The following SYCP2 variants were observed in gnomAD, a reference collection of about 807,000 sequenced individuals.
SYCP2 encodes the protein synaptonemal complex lateral element protein.
SYCP2 carries 55 observed loss-of-function variants against 211.3 expected under a neutral mutation model. The ratio of observed to expected loss-of-function variants is 0.26; its 90% CI spans 0.21 to 0.33. The LOEUF (loss-of-function observed/expected upper bound fraction) is 0.33. Ranked by LOEUF, SYCP2 falls within the 10% of genes least tolerant of loss-of-function variation. The pLI is 1.00. For synonymous variants in SYCP2, 570 were observed against 555.2 expected, an observed-to-expected ratio of 1.03 and a Z score of -0.37; for missense variants, 1,731 against 1,752.0, an observed-to-expected ratio of 0.99 and a Z score of 0.21.
At chr20:59,870,667 G>A (rs1258297052) in intron 35 of SYCP2, among the ~76,000 whole-genome samples, 1 of 151,638 alleles carries the variant, frequency 6.6e-6, no homozygotes, top group Non-Finnish European at 1.5e-5. Context: ...ATCAGTAAAG[G>A]GCAAAGGAAT....
At position 59,869,815 on chromosome 20, in the gene SYCP2, T is replaced by C. The variant is rs760718890; in HGVS notation, c.3724A>G (p.Ile1242Val). 2 of 1,604,042 alleles carry C rather than the reference T, an allele frequency of 1.2e-6. No individual in the cohort carries two copies. The highest frequency in any genetic ancestry group is 2.2e-5 in the East Asian group (1 of 44,630). The change falls in exon 36 of 45, where the codon ATA becomes GTA. Residue 1242 changes from isoleucine to valine, a missense_variant. By Grantham distance (29) the Ile-to-Val change is conservative. Transcript: ENST00000357552. ...ACACTTACCTCTCTTTTGCTTTGTA[T>C]ATAATTTTCATTGATATGTGGAGAT... ...IESPHINENY[I>V]QSKREESHLA...
intron 28 of SYCP2, 116 bp from the exon 29 acceptor site, chr20:59,881,608 T>C: frequency 1.8e-6 from 1 of 549,960 alleles, no homozygotes; most frequent in Non-Finnish European, 3.1e-6. Flanking sequence ...GACATAAAAT[T>C]AACTTTACTA....
intron 33 of SYCP2, among the ~76,000 whole-genome samples, chr20:59,876,520 C>A (rs1386997190): frequency 6.7e-6 from 1 of 149,902 alleles, no homozygotes; most frequent in Non-Finnish European, 1.5e-5. Context: ...GTCAAATCAG[C>A]ACACTGTACT....
At chr20:59,908,349 A>G (rs954920709) in intron 14 of SYCP2, among the ~76,000 whole-genome samples, 12 of 152,058 alleles carry the variant, frequency 7.9e-5, no homozygotes, top group African/African-American at 2.4e-4. Context: ...AATCCTTACT[A>G]TTTTCACCAA....
In SYCP2 at chr20:59,868,463, A is replaced by T; in HGVS notation, c.3938T>A (p.Leu1313His). 2 of 1,611,464 alleles carry T rather than the reference A, an allele frequency of 1.2e-6. No individual in the cohort carries two copies. Among genetic ancestry groups the T allele is most frequent in the South Asian group, 1.1e-5 (1 of 90,966 alleles). Reference sequence around the variant, plus strand: ...TTCAATTTTACACAGTTTTTTGGGAAGCAAGTTTGCTCTCCTTTCTCCTTT... The same window carrying T: ...TTCAATTTTACACAGTTTTTTGGGATGCAAGTTTGCTCTCCTTTCTCCTTT... Reference protein sequence around the residue: ...EEKGERRANLLPKKLCKIEDA... With the variant: ...EEKGERRANLHPKKLCKIEDA... Residue 1313 changes from leucine (L) to histidine (H), a missense_variant, in exon 38 of 45, where the codon CTT (leucine) becomes CAT (histidine). Physicochemically the swap from Leu to His is moderately conservative, Grantham distance 99 (BLOSUM62 -3). Transcript: ENST00000357552.
intron 15 of SYCP2, among the ~76,000 whole-genome samples, chr20:59,903,727 G>C (rs907255081): frequency 6.6e-6 from 1 of 151,974 alleles, no homozygotes; most frequent in Non-Finnish European, 1.5e-5. Context: ...ACATCATAGT[G>C]AAAGCAAAAA....
chr20:59,864,321 G>A lies in SYCP2; in HGVS notation c.4583C>T (p.Ala1528Val). 6.3e-7 allele frequency: 1 copy of A among 1,599,662 alleles called. No homozygotes were observed. Among genetic ancestry groups the A allele is most frequent in the Non-Finnish European group, 8.5e-7 (1 of 1,170,586 alleles). Reference sequence around the variant, plus strand: ...GATAAAAACTAGATTTCACACATTAGCATTTCTTTCATGAGACATGAATAC... The same window carrying A: ...GATAAAAACTAGATTTCACACATTAACATTTCTTTCATGAGACATGAATAC... ...MSVFMSHERN[A>V]NV is the part of the protein sequence containing the mutation. The change falls in exon 45 of 45, where the codon GCT becomes GTT. Residue 1528 changes from alanine (A) to valine (V), a missense_variant. Coordinates refer to ENST00000357552, the MANE Select transcript of SYCP2 (RefSeq NM_014258.4).
intron 15 of SYCP2, among the ~76,000 whole-genome samples, chr20:59,903,377 C>CA (rs2060153468): frequency 6.6e-6 from 1 of 151,970 alleles, no homozygotes; most frequent in African/African-American, 2.4e-5. Context: ...ACTATTCTCT[C>CA]AAAATTAGCT....
intron 32 of SYCP2, 79 bp from the exon 33 acceptor site, chr20:59,877,634 C>T: frequency 8.2e-7 from 1 of 1,224,406 alleles, no homozygotes; most frequent in Non-Finnish European, 1.2e-6. Flanking sequence ...AAAATTGGCA[C>T]TGTGACAAGT....
At chr20:59,923,759 T>G (rs562090285) in intron 2 of SYCP2, among the ~76,000 whole-genome samples, 203 of 151,828 alleles carry the variant, frequency 1.3e-3, no homozygotes, top group Non-Finnish European at 2.1e-3. Context: ...AAATGAGTAG[T>G]GAAAGAATAC....
rs780638187 is a variant in SYCP2, at chr20:59,869,684, A to G, written c.3741+114T>C. 8 of 570,352 alleles carry G rather than the reference A, an allele frequency of 1.4e-5. No homozygotes were observed. The East Asian group carries it at 2.3e-4, about 16-fold the overall frequency. The allele number at this position is 570,352 out of a possible 1,614,324, so 35.3% of individuals were successfully genotyped here. A position where few individuals can be genotyped will look rare whatever the true frequency, so the allele number is the denominator to read the frequency against. ...ACTTTAAACATCAGATTTTCAGGTAATAACAGTTGAAAAGCATTAAAATAT... is the reference window on the plus strand; with the variant it reads ...ACTTTAAACATCAGATTTTCAGGTAGTAACAGTTGAAAAGCATTAAAATAT... On this transcript the variant is annotated intron_variant, in intron 36 of 44. Coordinates refer to ENST00000357552, the MANE Select transcript of SYCP2 (RefSeq NM_014258.4).
Position 59,865,456 on chromosome 20 carries a change from TA to T in SYCP2, c.4459-13del. ...TTCATCAAACACATCTGTAAAAAAG[TA>T]AATATATTTCACCCATGAAATTTAC... On this transcript the variant is annotated splice_polypyrimidine_tract_variant and intron_variant, in intron 43 of 44. Coordinates refer to ENST00000357552, the MANE Select transcript of SYCP2 (RefSeq NM_014258.4). 2.5e-6 allele frequency: 4 copies of T among 1,605,416 alleles called. No individual in the cohort carries two copies. The highest frequency in any genetic ancestry group is 3.4e-6 in the Non-Finnish European group (4 of 1,175,950).
chr20:59,874,491 C>T (rs559758988), intron 34 of SYCP2, among the ~76,000 whole-genome samples: 35 of 151,998 alleles, frequency 2.3e-4, no homozygotes, highest in Non-Finnish European at 4.1e-4. Flanking sequence ...TGGAATAAAT[C>T]TTAATATAAA....
At chr20:59,926,210 A>G (rs1001198498) in intron 2 of SYCP2, among the ~76,000 whole-genome samples, 3 of 152,082 alleles carry the variant, frequency 2.0e-5, no homozygotes, top group Admixed American at 2.0e-4. Context: ...GCTCACAGCT[A>G]TGTGTGGACT....
Position 59,892,136 on chromosome 20 carries a change from T to G in SYCP2, c.2218A>C (p.Arg740=). The part of the protein sequence containing the change: ...NKTIEESLIY[R]KKYILSKDVN... ...TCTTTTGACAATATGTATTTCTTCCTATATATCAGCGATTCTTCAATTGTC... is the reference window on the plus strand; with the variant it reads ...TCTTTTGACAATATGTATTTCTTCCGATATATCAGCGATTCTTCAATTGTC... The change falls in exon 24 of 45, where the codon AGG becomes CGG. Residue 740 remains arginine, a synonymous_variant. Transcript: ENST00000357552. 1 of 1,612,192 alleles carries G rather than the reference T, an allele frequency of 6.2e-7. No individual in the cohort carries two copies. The highest frequency in any genetic ancestry group is 2.2e-5 in the East Asian group (1 of 44,780).
In SYCP2 at chr20:59,911,770, A is replaced by T; in HGVS notation, c.952T>A (p.Tyr318Asn). Residue 318 changes from tyrosine to asparagine, a missense_variant, in exon 14 of 45, where the codon TAC becomes AAC. This residue lies in a region of SYCP2 where 335 missense variants were observed against 378.8 expected (regional missense o/e 0.88). Transcript: ENST00000357552. ...CTTACATCATTATCTCCAGCAATGT[A>T]GAATGAGAGAGTCTGACTCCCAAGA... ...FNLGSQTLSFYIAGDNDDHQW... is the reference protein window; with the variant it reads ...FNLGSQTLSFNIAGDNDDHQW... 1 of 1,578,206 alleles carries T rather than the reference A, an allele frequency of 6.3e-7. No individual in the cohort carries two copies. Among genetic ancestry groups the T allele is most frequent in the Non-Finnish European group, 8.7e-7 (1 of 1,155,926 alleles).
chr20:59,915,019 T>C (rs1030101167), intron 10 of SYCP2, 146 bp downstream of exon 10: 9 of 571,492 alleles, frequency 1.6e-5, no homozygotes, highest in African/African-American at 3.9e-5. Flanking sequence ...ACAAATTTCA[T>C]GTATATTTAT....
chr20:59,878,398 T>A (rs1050881099), intron 31 of SYCP2, among the ~76,000 whole-genome samples: 7 of 152,296 alleles, frequency 4.6e-5, no homozygotes, highest in African/African-American at 1.7e-4. Context: ...TTGATAACTT[T>A]TACTGTAAAG....
chr20:59,922,586 A>G, intron 2 of SYCP2, 127 bp from the exon 3 acceptor site: 1 of 455,772 alleles, frequency 2.2e-6, no homozygotes. Context: ...TTCCTCACTA[A>G]ACACCTGTTT....
Sources: gnomAD v4.1 joint callset for allele counts (sites outside exome capture counted in the v4.1 genomes callset) on GRCh38, gnomAD v4.1.1 for gene constraint, gnomAD v4.1.1 regional missense constraint, MANE v1.5 for transcripts, NCBI Gene and HGNC (gene_info 2026-07-23, HGNC 2026-07-21) for gene names.